MED12L: variants seen among roughly 807,000 people sequenced by gnomAD.
MED12L encodes mediator complex subunit 12L, also known as mediator of RNA polymerase II transcription subunit 12-like protein.
A neutral mutation model predicts 281.3 loss-of-function variants in MED12L; 60 were observed. The observed-to-expected ratio is 0.21, with a 90% CI of 0.17 to 0.26. The LOEUF is 0.26. MED12L is among the 10% of genes least tolerant of loss of function. The pLI, the probability that MED12L is intolerant of heterozygous loss-of-function variation, is 1.00. For synonymous variants in MED12L, 974 were observed against 987.2 expected (o/e 0.99, Z 0.25); for missense variants, 2,146 against 2,680.9 (o/e 0.80, Z 4.41).
chr3:151,397,718 C>A (rs536061699), intron 39 of MED12L, among the ~76,000 whole-genome samples: 1 of 152,262 alleles, frequency 6.6e-6, no homozygotes, highest in African/African-American at 2.4e-5. Flanking sequence ...TCTCAGGTTA[C>A]TCACCCACAT....
At chr3:151,253,974 C>A (rs58139829) in intron 16 of MED12L, among the ~76,000 whole-genome samples, 1 of 147,754 alleles carries the variant, frequency 6.8e-6, no homozygotes, top group Non-Finnish European at 1.5e-5. Flanking sequence ...TTTGATATAC[C>A]TTCTTTTTGT....
chr3:151,184,587 C>G (rs2149070205), intron 11 of MED12L, among the ~76,000 whole-genome samples: 1 of 152,308 alleles, frequency 6.6e-6, no homozygotes, highest in Admixed American at 6.5e-5. Context: ...ACTCGCTGCA[C>G]CCCTATCCGC....
intron 16 of MED12L, among the ~76,000 whole-genome samples, chr3:151,336,175 T>G (rs1750956494): frequency 6.6e-6 from 1 of 152,236 alleles, no homozygotes; most frequent in African/African-American, 2.4e-5. Flanking sequence ...CTATAGAACA[T>G]GTAAATTTAT....
chr3:151,230,796 A>G (rs1014009439), intron 16 of MED12L, among the ~76,000 whole-genome samples: 3 of 152,174 alleles, frequency 2.0e-5, no homozygotes, highest in Non-Finnish European at 4.4e-5. Context: ...TTTTTAAATA[A>G]CAAAAGTGAA....
intron 16 of MED12L, among the ~76,000 whole-genome samples, chr3:151,273,934 C>CA (rs541569741): frequency 1.2e-4 from 19 of 152,194 alleles, no homozygotes; most frequent in Non-Finnish European, 2.6e-4. Flanking sequence ...GAGGCTAAGA[C>CA]AGAGTCTTTT....
At chr3:151,379,705 T>C (rs1711897682) in intron 31 of MED12L, among the ~76,000 whole-genome samples, 1 of 152,242 alleles carries the variant, frequency 6.6e-6, no homozygotes, top group Non-Finnish European at 1.5e-5. Context: ...TAGGCCTGTT[T>C]TCCCAGACTC....
intron 39 of MED12L, among the ~76,000 whole-genome samples, chr3:151,401,254 CATTTA>C (rs1355802078): frequency 1.3e-5 from 2 of 149,258 alleles, no homozygotes; most frequent in African/African-American, 2.4e-5. Flanking sequence ...TGTTGATGGT[CATTTA>C]ATTTATTCAG....
At chr3:151,319,875 A>G (rs905375065) in intron 16 of MED12L, among the ~76,000 whole-genome samples, 3 of 152,212 alleles carry the variant, frequency 2.0e-5, no homozygotes, top group Non-Finnish European at 4.4e-5. Context: ...CCGTAATCTT[A>G]CTGATTTTTC....
chr3:151,426,982 A>T (rs1226172539), intron 43 of MED12L, among the ~76,000 whole-genome samples: 1 of 151,858 alleles, frequency 6.6e-6, no homozygotes, highest in Non-Finnish European at 1.5e-5. Flanking sequence ...ATGCCTGGCT[A>T]ATTTTAGTAA....
At chr3:151,175,567 G>C (rs1346362397) in intron 11 of MED12L, among the ~76,000 whole-genome samples, 2 of 152,100 alleles carry the variant, frequency 1.3e-5, no homozygotes, top group Admixed American at 1.3e-4. Context: ...ATCTCACCAT[G>C]TACCTCCTAA....
intron 22 of MED12L, among the ~76,000 whole-genome samples, chr3:151,365,534 A>G (rs925980789): frequency 1.3e-5 from 2 of 152,236 alleles, no homozygotes; most frequent in East Asian, 3.8e-4. Flanking sequence ...CCTAAATTAC[A>G]TGATGTCTAT....
intron 43 of MED12L, among the ~76,000 whole-genome samples, chr3:151,421,639 C>T (rs1718258321): frequency 6.6e-6 from 1 of 152,102 alleles, no homozygotes; most frequent in Admixed American, 6.5e-5. Flanking sequence ...GAACTCCTGA[C>T]CTCAAGTGAT....
At position 151,338,728 on chromosome 3, in the gene MED12L, G is replaced by A. The variant is rs1439180705; in HGVS notation, c.2251-11331G>A. The A allele has an allele frequency of 3.7e-6, 6 of 1,613,054 alleles. No individual in the cohort carries two copies. The East Asian group carries it at 6.7e-5, about 18-fold the overall frequency. On this transcript the variant is annotated intron_variant, in intron 16 of 44. Coordinates refer to ENST00000687756, the MANE Select transcript of MED12L (RefSeq NM_001393769.1). Reference sequence around the variant, plus strand: ...CTCATCGCCAGGCCATTTGTGATAAGTCCAACAAAAAACAGGACAGTGTAG... The same window carrying A: ...CTCATCGCCAGGCCATTTGTGATAAATCCAACAAAAAACAGGACAGTGTAG...
chr3:151,383,675 T>A lies in MED12L; in HGVS notation c.4681-104T>A, dbSNP rs141612259. On this transcript the variant is annotated intron_variant, in intron 33 of 44. Transcript: ENST00000687756. ...GGTAATCTATAAACTAGAGCATCCC[T>A]TGTTTTTTTAAATAAAAAACAATCA... is the stretch of plus-strand genomic sequence containing the variant. The A allele has an allele frequency of 9.5e-4, 652 of 689,026 alleles. 5 individuals are homozygous for A. In the African/African-American group the frequency reaches 0.011, roughly 12 times the overall value. The allele number at this position is 689,026 out of a possible 1,614,324, so 42.7% of individuals were successfully genotyped here.
chr3:151,141,026 C>T (rs576929026), intron 5 of MED12L, among the ~76,000 whole-genome samples: 1 of 152,260 alleles, frequency 6.6e-6, no homozygotes, highest in Middle Eastern at 3.4e-3. Context: ...CGCCACGACG[C>T]CCAGCTAAGT....
chr3:151,244,750 C>G (rs1734991884), intron 16 of MED12L, among the ~76,000 whole-genome samples: 1 of 151,696 alleles, frequency 6.6e-6, no homozygotes, highest in Non-Finnish European at 1.5e-5. Flanking sequence ...TAGCAGAAGG[C>G]AAGAAATAAC....
chr3:151,141,187 G>GTTTTTTTTTTTTTTTTTTTTTTTTTT (rs76965310), intron 5 of MED12L, among the ~76,000 whole-genome samples: 2 of 99,104 alleles, frequency 2.0e-5, no homozygotes, highest in African/African-American at 9.5e-5. Flanking sequence ...TGTTTTTTTT[G>GTTTTTTTTTTTTTTTTTTTTTTTTTT]TTTTTTTTTT....
At chr3:151,148,657 A>G (rs1054212526) in intron 5 of MED12L, among the ~76,000 whole-genome samples, 1 of 152,198 alleles carries the variant, frequency 6.6e-6, no homozygotes, top group Non-Finnish European at 1.5e-5. Context: ...GATCACCTTA[A>G]AGATTTGCTC....
chr3:151,404,713 A>G (rs1439718971), intron 39 of MED12L, among the ~76,000 whole-genome samples: 1 of 152,236 alleles, frequency 6.6e-6, no homozygotes, highest in African/African-American at 2.4e-5. Context: ...TGTGGTTTTT[A>G]TAGATATAAC....
Sources: gnomAD v4.1 joint callset for allele counts (sites outside exome capture counted in the v4.1 genomes callset) on GRCh38, gnomAD v4.1.1 for gene constraint, MANE v1.5 for transcripts, NCBI Gene and HGNC (gene_info 2026-07-23, HGNC 2026-07-21) for gene names.